Variants in SYT9 observed in about 807,000 individuals in gnomAD.
The protein encoded by SYT9 is synaptotagmin-9.
SYT9 carries 22 observed loss-of-function variants against 48.4 expected under a neutral mutation model. That is an observed-to-expected ratio of 0.45 (90% CI 0.32 to 0.65). The LOEUF is 0.65. Ranked by LOEUF, SYT9 falls within the 30% of genes least tolerant of loss-of-function variation. The probability of loss-of-function intolerance (pLI) is 0.03; values close to 1 mark genes in which losing one functional copy is unlikely to be tolerated. For missense variants in SYT9, 577 were observed against 622.0 expected (o/e 0.93, Z 0.77); for synonymous variants, 265 against 245.0 (o/e 1.08, Z -0.76).
chr11:7,433,606 A>T (rs1236439585), intron 6 of SYT9, among the ~76,000 whole-genome samples: 1 of 152,162 alleles, frequency 6.6e-6, no homozygotes, highest in African/African-American at 2.4e-5. Context: ...TGGTATTAAG[A>T]GATGGGAAAC....
At chr11:7,347,335 G>A (rs1444264230) in intron 3 of SYT9, among the ~76,000 whole-genome samples, 85 of 152,084 alleles carry the variant, frequency 5.6e-4, no homozygotes, top group Admixed American at 1.3e-4. Context: ...AGGTTCAAGC[G>A]ACTCTCTTGC....
At chr11:7,348,688 C>CTTGTTTTT (rs1849848267) in intron 3 of SYT9, among the ~76,000 whole-genome samples, 1 of 47,098 alleles carries the variant, frequency 2.1e-5, no homozygotes. Context: ...ATCAGACCTC[C>CTTGTTTTT]TTTTTTTTTT....
intron 3 of SYT9, among the ~76,000 whole-genome samples, chr11:7,410,924 A>C (rs1847125919): frequency 6.6e-6 from 1 of 152,042 alleles, no homozygotes; most frequent in Non-Finnish European, 1.5e-5. Flanking sequence ...GCGCAGTCCC[A>C]GCTCACTGCA....
chr11:7,253,023 GTAGT>G (rs2119763551), intron 1 of SYT9, among the ~76,000 whole-genome samples: 1 of 152,352 alleles, frequency 6.6e-6, no homozygotes, highest in East Asian at 1.9e-4. Flanking sequence ...TTGTGCACCT[GTAGT>G]TACTCCTAGT....
At chr11:7,413,415 C>T (rs1339594620) in intron 3 of SYT9, among the ~76,000 whole-genome samples, 2 of 152,198 alleles carry the variant, frequency 1.3e-5, no homozygotes, top group Non-Finnish European at 2.9e-5. Flanking sequence ...CTCTTTGAAG[C>T]AATACCACTG....
intron 3 of SYT9, among the ~76,000 whole-genome samples, chr11:7,356,089 T>C (rs1422642981): frequency 6.6e-6 from 1 of 152,242 alleles, no homozygotes; most frequent in Admixed American, 6.5e-5. Flanking sequence ...GCTCATGATC[T>C]GTTTCAGGTC....
chr11:7,414,777 T>C (rs763128730), intron 3 of SYT9, among the ~76,000 whole-genome samples: 5 of 151,884 alleles, frequency 3.3e-5, no homozygotes, highest in Non-Finnish European at 7.4e-5. Context: ...GAAAGGGAGG[T>C]TGGGCGAGGT....
chr11:7,440,812 T>G (rs1847816528), intron 6 of SYT9: 1 of 152,112 alleles, frequency 6.6e-6, no homozygotes, highest in Non-Finnish European at 1.5e-5. Context: ...TACAAAGACA[T>G]GGGGGACTAT....
intron 1 of SYT9, among the ~76,000 whole-genome samples, chr11:7,302,249 T>C (rs1327455350): frequency 6.6e-6 from 1 of 152,240 alleles, no homozygotes; most frequent in African/African-American, 2.4e-5. Flanking sequence ...GGGGTATATC[T>C]GAGGTGTATT....
chr11:7,378,915 C>G (rs886171695), intron 3 of SYT9, among the ~76,000 whole-genome samples: 2 of 152,106 alleles, frequency 1.3e-5, no homozygotes, highest in Non-Finnish European at 2.9e-5. Context: ...TTAATGTGTT[C>G]TTTTCTTCAA....
In SYT9 at chr11:7,468,237, C is replaced by G; in HGVS notation, c.*1437C>G. The G allele has an allele frequency of 2.5e-6, 1 of 398,646 alleles. No individual in the cohort carries two copies. Among genetic ancestry groups the G allele is most frequent in the Non-Finnish European group, 4.4e-6 (1 of 226,078 alleles). The allele number at this position is 398,646 out of a possible 1,614,324, so 24.7% of individuals were successfully genotyped here. On this transcript the variant is annotated 3_prime_UTR_variant, in exon 7 of 7. Transcript: ENST00000318881. ...TTTGAATTAACATTTCAGCATGGAA[C>G]TAACTGGGCGGAGGAAGGATCGTTA...
At chr11:7,257,735 C>A (rs1310021206) in intron 1 of SYT9, among the ~76,000 whole-genome samples, 1 of 152,102 alleles carries the variant, frequency 6.6e-6, no homozygotes, top group African/African-American at 2.4e-5. Flanking sequence ...GAATGAGTGG[C>A]ATATTGGATG....
At chr11:7,238,926 C>T in intron 1 of SYT9, 1 of 456,082 alleles carries the variant, frequency 2.2e-6, no homozygotes, top group Non-Finnish European at 4.4e-6. Flanking sequence ...GGTAAAGTTG[C>T]TAGTGGGGAA....
intron 6 of SYT9, chr11:7,438,906 CCTG>C (rs1337155679): frequency 6.6e-6 from 1 of 152,248 alleles, no homozygotes; most frequent in African/African-American, 2.4e-5. Flanking sequence ...GAAGCTTTTT[CCTG>C]CTAAGTCCTC....
At chr11:7,301,262 G>A (rs975774252) in intron 1 of SYT9, among the ~76,000 whole-genome samples, 10 of 152,216 alleles carry the variant, frequency 6.6e-5, no homozygotes, top group Admixed American at 5.2e-4. Flanking sequence ...AGAAGGTGAA[G>A]ATTGATTGGG....
At chr11:7,311,241 G>T (rs1459880561) in intron 2 of SYT9, among the ~76,000 whole-genome samples, 1 of 152,218 alleles carries the variant, frequency 6.6e-6, no homozygotes, top group Non-Finnish European at 1.5e-5. Context: ...GGTGGAGGTT[G>T]CAGGGAGCCG....
intron 1 of SYT9, among the ~76,000 whole-genome samples, chr11:7,295,950 A>T (rs1232655351): frequency 6.6e-6 from 1 of 152,204 alleles, no homozygotes; most frequent in Admixed American, 6.5e-5. Flanking sequence ...TCAGTAATTC[A>T]GTTCAATAAG....
At chr11:7,246,327 G>A (rs1847790928) in intron 1 of SYT9, among the ~76,000 whole-genome samples, 1 of 152,220 alleles carries the variant, frequency 6.6e-6, no homozygotes, top group African/African-American at 2.4e-5. Flanking sequence ...CTGCCTTAGA[G>A]AGCAAGGATC....
intron 3 of SYT9, among the ~76,000 whole-genome samples, chr11:7,342,992 C>G (rs1256126020): frequency 1.3e-5 from 2 of 152,218 alleles, no homozygotes; most frequent in Non-Finnish European, 2.9e-5. Context: ...TACCTTGACC[C>G]CTTTTAGCCA....
Sources: gnomAD v4.1 joint callset for allele counts (sites outside exome capture counted in the v4.1 genomes callset) on GRCh38, gnomAD v4.1.1 for gene constraint, MANE v1.5 for transcripts, NCBI Gene and HGNC (gene_info 2026-07-23, HGNC 2026-07-21) for gene names.